Variants in TTN observed in about 807,000 individuals in gnomAD.
The protein encoded by TTN is titin, also known as connectin.
TTN carries 1,525 observed loss-of-function variants against 3,223.0 expected under a neutral mutation model. The observed-to-expected ratio is 0.47, with a 90% CI of 0.45 to 0.49. The LOEUF (loss-of-function observed/expected upper bound fraction) is 0.49. TTN is among the 20% of genes least tolerant of loss of function. The pLI, the probability that TTN is intolerant of heterozygous loss-of-function variation, is 0.00. For missense variants in TTN, 40,786 were observed against 43,424.0 expected (o/e 0.94, Z 5.40); for synonymous variants, 14,094 against 15,161.0 (o/e 0.93, Z 5.17).
At position 178,551,834 on chromosome 2, in the gene TTN, C is replaced by T. The variant is rs752225531; in HGVS notation, c.91066G>A (p.Val30356Ile). The change falls in exon 335 of 363, where the codon GTT (valine) becomes ATT (isoleucine). Residue 30356 changes from valine to isoleucine, a missense_variant. Transcript: ENST00000589042. ...TTCTTTTCAACATGGAATCCAGTAA[C>T]TTCTGAACCACCATCATAAACTGGA... Reference protein sequence around the residue: ...DAPVYDGGSEVTGFHVEKKER... With the variant: ...DAPVYDGGSEITGFHVEKKER... 1 of 1,613,898 alleles carries T rather than the reference C, an allele frequency of 6.2e-7. No homozygotes were observed. The highest frequency in any genetic ancestry group is 1.7e-5 in the Admixed American group (1 of 60,012).
In TTN at chr2:178,729,873, C is replaced by A; in HGVS notation, c.18380G>T (p.Cys6127Phe). 6.2e-7 allele frequency: 1 copy of A among 1,613,552 alleles called. No individual in the cohort carries two copies. Among genetic ancestry groups the A allele is most frequent in the Non-Finnish European group, 8.5e-7 (1 of 1,179,702 alleles). Residue 6127 changes from cysteine to phenylalanine, a missense_variant, in exon 63 of 363, where the codon TGC becomes TTC. Cys to Phe is a radical substitution (Grantham distance 205, BLOSUM62 -2). Transcript: ENST00000589042. The part of the protein sequence containing the change: ...LRNGQSTTFE[C>F]QITGTPKIRV... The stretch of plus-strand genomic sequence containing the variant: ...GATTTTAGGAGTGCCTGTTATTTGG[C>A]ATTCAAATGTTGTTGACTGTCCATT...
Position 178,551,208 on chromosome 2 carries a change from A to C in TTN, c.91323T>G (p.Leu30441=), listed in dbSNP as rs1487249951. Residue 30441 remains leucine (L), a synonymous_variant, in exon 336 of 363, where the codon CTT becomes CTG. Coordinates refer to ENST00000589042, the MANE Select transcript of TTN (RefSeq NM_001267550.2). ...CATCACGCAATGGTGGGTTCCATTT[A>C]AGTGTGATGGTTTCCCGGGTGACAT... ...YIDVTRETIT[L]KWNPPLRDGG... The C allele has an allele frequency of 6.2e-7, 1 of 1,613,348 alleles. No individual in the cohort carries two copies. Among genetic ancestry groups the C allele is most frequent in the Non-Finnish European group, 8.5e-7 (1 of 1,179,660 alleles).
At chr2:178,696,397 T>G in intron 113 of TTN, 128 bp from the exon 114 acceptor site, 1 of 867,264 alleles carries the variant, frequency 1.2e-6, no homozygotes, top group Non-Finnish European at 1.7e-6. Context: ...GTTTTTTTTT[T>G]TTGTATTGGT....
chr2:178,532,701 A>T lies in TTN; in HGVS notation c.103914T>A (p.Arg34638=), dbSNP rs977041865. Residue 34638 remains arginine (R), a synonymous_variant, in exon 358 of 363, where the codon CGT becomes CGA. Transcript: ENST00000589042. ...AAAAGTCATAATCAGGAGAAGGTGT[A>T]CGCCGGCGGGCTGGTCTCACTATCT... ...DLEIVRPARR[R]TPSPDYDFYY... 3 of 1,613,828 alleles carry T rather than the reference A, an allele frequency of 1.9e-6. No homozygotes were observed. In the African/African-American group the frequency reaches 4.0e-5, roughly 22 times the overall value.
chr2:178,747,470 G>A, intron 47 of TTN: 6 of 1,613,376 alleles, frequency 3.7e-6, no homozygotes, highest in Non-Finnish European at 5.1e-6. Flanking sequence ...TTCTTCACTG[G>A]TTGTACTTCC....
Position 178,750,160 on chromosome 2 carries a change from A to G in TTN, c.11311+2964T>C, listed in dbSNP as rs150278269. On this transcript the variant is annotated intron_variant, in intron 47 of 362. Transcript: ENST00000589042. ...GTGGGTTAGTTTTTAACAAATGAAG[A>G]TTTGTTTGGCCCTCTTGACTCATAG... 308 of 1,613,074 alleles carry G rather than the reference A, an allele frequency of 1.9e-4. 1 individual carries two copies. In the East Asian group the frequency reaches 5.2e-3, roughly 27 times the overall value.
chr2:178,571,419 G>T lies in TTN; in HGVS notation c.74713C>A (p.Pro24905Thr), dbSNP rs1708136474. 1 of 1,613,302 alleles carries T rather than the reference G, an allele frequency of 6.2e-7. No homozygotes were observed. The highest frequency in any genetic ancestry group is 8.5e-7 in the Non-Finnish European group (1 of 1,179,582). Reference protein sequence around the residue: ...LNSEPTVAQYPFKVPGPPGTP... With the variant: ...LNSEPTVAQYTFKVPGPPGTP... Reference sequence around the variant, plus strand: ...CCAGGAGGACCAGGAACTTTGAATGGATATTGGGCTACAGTAGGCTCTGAA... The same window carrying T: ...CCAGGAGGACCAGGAACTTTGAATGTATATTGGGCTACAGTAGGCTCTGAA... The change falls in exon 326 of 363, where the codon CCA (proline) becomes ACA (threonine). Residue 24905 changes from proline (P) to threonine (T), a missense_variant. Coordinates refer to ENST00000589042, the MANE Select transcript of TTN (RefSeq NM_001267550.2).
intron 33 of TTN, among the ~76,000 whole-genome samples, chr2:178,772,279 C>T (rs752261488): frequency 8.5e-5 from 13 of 152,138 alleles, no homozygotes; most frequent in South Asian, 2.1e-4. Flanking sequence ...AATCTTATAA[C>T]GTAAGTAAGT....
intron 47 of TTN, chr2:178,742,995 T>G (rs1560938613): frequency 6.6e-6 from 1 of 152,060 alleles, no homozygotes; most frequent in Non-Finnish European, 1.5e-5. Flanking sequence ...AAGTAAACCA[T>G]AAAACCATTG....
chr2:178,651,981 A>G lies in TTN; in HGVS notation c.39296-14T>C. On this transcript the variant is annotated splice_polypyrimidine_tract_variant and intron_variant, in intron 204 of 362. Transcript: ENST00000589042. ...GCTCCTCGAACACTTTAAAGACATG[A>G]GCTCATTTTAATGCCAGAATTGACT... is the stretch of plus-strand genomic sequence containing the variant. 1 of 1,610,886 alleles carries G rather than the reference A, an allele frequency of 6.2e-7. No homozygotes were observed. The highest frequency in any genetic ancestry group is 8.5e-7 in the Non-Finnish European group (1 of 1,178,436).
chr2:178,571,150 C>T lies in TTN; in HGVS notation c.74982G>A (p.Pro24994=), dbSNP rs375232524. 1.2e-5 allele frequency: 19 copies of T among 1,613,282 alleles called. No individual in the cohort carries two copies. Among genetic ancestry groups the T allele is most frequent in the African/African-American group, 2.7e-5 (2 of 74,876 alleles). The change falls in exon 326 of 363, where the codon CCG becomes CCA. Residue 24994 remains proline, a synonymous_variant. Coordinates refer to ENST00000589042, the MANE Select transcript of TTN (RefSeq NM_001267550.2). ...SAENIVGIGK[P]SKVSECYVAR... ...CCACATAACATTCTGATACTTTACT[C>T]GGCTTGCCAATGCCCACGATGTTCT...
chr2:178,590,968 C>T lies in TTN; in HGVS notation c.60757G>A (p.Gly20253Ser), dbSNP rs781372817. ...GTGGAGTCAAGGGGAGGACCAACAC[C>T]TATCTTATTCTCTGCTCTAACTCGG... is the stretch of plus-strand genomic sequence containing the variant. ...VFRVRAENKI[G>S]VGPPLDSTPT... Residue 20253 changes from glycine to serine, a missense_variant, in exon 304 of 363, where the codon GGT (glycine) becomes AGT (serine). Transcript: ENST00000589042. 10 of 1,613,294 alleles carry T rather than the reference C, an allele frequency of 6.2e-6. No individual in the cohort carries two copies. In the South Asian group the frequency reaches 8.8e-5, roughly 14 times the overall value.
rs200420921 is a variant in TTN at position 178,751,667 on chromosome 2, T to C, written c.11311+1457A>G. The C allele has an allele frequency of 1.8e-4, 287 of 1,613,436 alleles. 2 individuals carry two copies. The South Asian group carries it at 2.9e-3, about 16-fold the overall frequency. ...TTCACTATTAATTGCTAGTAACCTA[T>C]AACTTCCAGAATCTCTGTCTTGGAC... On this transcript the variant is annotated intron_variant, in intron 47 of 362. Transcript: ENST00000589042.
intron 240 of TTN, 51 bp downstream of exon 240, chr2:178,629,250 G>A (rs995887108): frequency 9.4e-6 from 15 of 1,596,970 alleles, no homozygotes; most frequent in Middle Eastern, 1.7e-4. Context: ...AAGTGAAGGT[G>A]GAAGAACTCC....
Position 178,635,185 on chromosome 2 carries a change from C to T in TTN, c.42004G>A (p.Glu14002Lys). The change falls in exon 228 of 363, where the codon GAA becomes AAA. Residue 14002 changes from glutamate (E) to lysine (K), a missense_variant. Glu to Lys is a moderately conservative substitution (Grantham distance 56). Coordinates refer to ENST00000589042, the MANE Select transcript of TTN (RefSeq NM_001267550.2). ...DIPGQWKLKG[E>K]LLRPSPTCEI... ...CTCACAGGTGAGGGCCTTAGAAGTT[C>T]TCCTTTCAGTTTCCATTGTCCAGGA... is the stretch of plus-strand genomic sequence containing the variant. The T allele has an allele frequency of 1.9e-6, 3 of 1,612,944 alleles. No homozygotes were observed. The highest frequency in any genetic ancestry group is 1.7e-6 in the Non-Finnish European group (2 of 1,179,400).
At chr2:178,642,131 A>G in intron 219 of TTN, 106 bp downstream of exon 219, 1 of 869,078 alleles carries the variant, frequency 1.2e-6, no homozygotes. Context: ...TTTGATAAAT[A>G]GCGAACCAAT....
intron 224 of TTN, 21 bp downstream of exon 224, chr2:178,637,348 T>C (rs1175460056): frequency 1.4e-6 from 2 of 1,447,228 alleles, no homozygotes; most frequent in East Asian, 5.5e-5. Flanking sequence ...ACAATGCAAG[T>C]ACTAGAAAAA....
chr2:178,774,474 C>T lies in TTN; in HGVS notation c.6791-1G>A. 6.2e-7 allele frequency: 1 copy of T among 1,611,910 alleles called. No homozygotes were observed. The highest frequency in any genetic ancestry group is 2.2e-5 in the East Asian group (1 of 44,810). On this transcript the variant is annotated splice_acceptor_variant, in intron 29 of 362. Transcript: ENST00000589042. LOFTEE classifies it high-confidence loss of function. ...TCTTTCACAAACTCAACAACTGCAC[C>T]TGAAGTGTATAACAGAAAGATAAAT...
At chr2:178,601,585 TA>T (rs761992774) in intron 286 of TTN, 21 bp from the exon 287 acceptor site, 1 of 1,598,010 alleles carries the variant, frequency 6.3e-7, no homozygotes, top group South Asian at 1.1e-5. Flanking sequence ...TAAATCACAA[TA>T]TAAGCAACGT....
Sources: gnomAD v4.1 joint callset for allele counts (sites outside exome capture counted in the v4.1 genomes callset) on GRCh38, gnomAD v4.1.1 for gene constraint, MANE v1.5 for transcripts, NCBI Gene and HGNC (gene_info 2026-07-23, HGNC 2026-07-21) for gene names.